Variants in PLXNA4 observed in about 807,000 individuals in gnomAD.
PLXNA4 encodes the protein plexin-A4.
In PLXNA4, 44 loss-of-function variants were observed where a neutral mutation model predicts 191.8. That is an observed-to-expected ratio of 0.23 (90% CI 0.18 to 0.29). The LOEUF (loss-of-function observed/expected upper bound fraction) is 0.29, where lower values mean the gene tolerates loss of function less well. PLXNA4 is among the 10% of genes least tolerant of loss of function. The pLI, the probability that PLXNA4 is intolerant of heterozygous loss-of-function variation, is 1.00. For missense variants in PLXNA4, 1,800 were observed against 2,488.8 expected (o/e 0.72, Z 5.89); for synonymous variants, 1,082 against 1,009.5 (o/e 1.07, Z -1.36).
intron 31 of PLXNA4, among the ~76,000 whole-genome samples, chr7:132,132,147 C>A (rs185020733): frequency 6.6e-6 from 1 of 152,236 alleles, no homozygotes; most frequent in African/African-American, 2.4e-5. Flanking sequence ...AGGCCTCCTC[C>A]TACCCAGCAG....
At chr7:132,643,844 G>A (rs982376802) in intron 2 of PLXNA4, among the ~76,000 whole-genome samples, 2 of 151,932 alleles carry the variant, frequency 1.3e-5, no homozygotes, top group Non-Finnish European at 2.9e-5. Flanking sequence ...TCCTGATACT[G>A]GGGAGGCTGA....
At chr7:132,439,496 A>ATACATTG (rs1795606100) in intron 3 of PLXNA4, among the ~76,000 whole-genome samples, 1 of 151,864 alleles carries the variant, frequency 6.6e-6, no homozygotes, top group Non-Finnish European at 1.5e-5. Context: ...ATGCATATAT[A>ATACATTG]TACATACGCA....
In PLXNA4 at chr7:132,217,897, CTTTTTTTTTTTTTTTTT is replaced by C. The variant is rs138576612; in HGVS notation, c.2097+5613_2097+5629del. ...GGAGCGTGTTCTGTAGCTGGATTTGCTTTTTTTTTTTTTTTTTTTTTTTTTTTTTTCACAGCAGGGTG... is the reference window on the plus strand; with the variant it reads ...GGAGCGTGTTCTGTAGCTGGATTTGCTTTTTTTTTTTTTCACAGCAGGGTG... On this transcript the variant is annotated intron_variant, in intron 9 of 31. Coordinates refer to ENST00000321063, the MANE Select transcript of PLXNA4 (RefSeq NM_020911.2). Among the ~76,000 whole-genome samples, 78 of 43,442 alleles carry C rather than the reference CTTTTTTTTTTTTTTTTT, an allele frequency of 1.8e-3. 2 individuals are homozygous for C. The highest frequency in any genetic ancestry group is 8.4e-3 in the African/African-American group (68 of 8,098). 28.5% of individuals were successfully genotyped at this position (43,442 alleles called of 152,430 possible). A position where few individuals can be genotyped will look rare whatever the true frequency, so the allele number is the denominator to read the frequency against.
At chr7:132,500,675 A>G (rs907346766) in intron 2 of PLXNA4, among the ~76,000 whole-genome samples, 12 of 152,166 alleles carry the variant, frequency 7.9e-5, no homozygotes, top group Non-Finnish European at 1.3e-4. Flanking sequence ...GGTGGTTATT[A>G]TAACTAAAGG....
At chr7:132,429,351 G>A (rs989758884) in intron 3 of PLXNA4, among the ~76,000 whole-genome samples, 4 of 152,152 alleles carry the variant, frequency 2.6e-5, no homozygotes, top group Admixed American at 2.6e-4. Flanking sequence ...GGTATAGGAA[G>A]AACTTTGCCC....
rs569799657 is a variant in PLXNA4 at position 132,203,758 on chromosome 7, A to T, written c.2299-339T>A. ...AGGAGGCCTGCTCCCATCCCCTGGA[A>T]TTTCCTGAGAGGTAAAACCGAGGGA... On this transcript the variant is annotated intron_variant, in intron 10 of 31. Coordinates refer to ENST00000321063, the MANE Select transcript of PLXNA4 (RefSeq NM_020911.2). 3.3e-5 allele frequency among the ~76,000 whole-genome samples: 5 copies of T among 152,310 alleles called. No individual in the cohort carries two copies. The East Asian group carries it at 9.7e-4, about 30-fold the overall frequency.
chr7:132,202,365 G>A (rs556785518), intron 12 of PLXNA4, among the ~76,000 whole-genome samples: 2 of 152,294 alleles, frequency 1.3e-5, no homozygotes, highest in South Asian at 2.1e-4. Context: ...AGGGGCTGGC[G>A]AGGACTGAGT....
At chr7:132,466,809 C>A (rs1796724471) in intron 3 of PLXNA4, among the ~76,000 whole-genome samples, 1 of 152,150 alleles carries the variant, frequency 6.6e-6, no homozygotes, top group African/African-American at 2.4e-5. Context: ...CCCCTGTGTT[C>A]TTTTAGCAGA....
At chr7:132,487,564 G>T (rs2117517258) in intron 3 of PLXNA4, among the ~76,000 whole-genome samples, 1 of 152,326 alleles carries the variant, frequency 6.6e-6, no homozygotes, top group Non-Finnish European at 1.5e-5. Flanking sequence ...TCTCTCCTCA[G>T]TGTGGACTGA....
At chr7:132,453,868 C>T (rs1281433539) in intron 3 of PLXNA4, among the ~76,000 whole-genome samples, 1 of 152,218 alleles carries the variant, frequency 6.6e-6, no homozygotes, top group Non-Finnish European at 1.5e-5. Flanking sequence ...CCAAATTCCC[C>T]TTCAAGACCT....
intron 30 of PLXNA4, among the ~76,000 whole-genome samples, chr7:132,137,829 G>A (rs1168716859): frequency 3.3e-5 from 5 of 151,630 alleles, no homozygotes; most frequent in South Asian, 2.1e-4. Flanking sequence ...GAGGACAGGC[G>A]GGACGATGGG....
chr7:132,199,292 C>A lies in PLXNA4; in HGVS notation c.2587-656G>T, dbSNP rs938300072. 2.0e-5 allele frequency among the ~76,000 whole-genome samples: 3 copies of A among 152,202 alleles called. No individual in the cohort carries two copies. The South Asian group carries it at 6.2e-4, about 32-fold the overall frequency. ...TTGCGTTGTCATGTGATAAAACCTA[C>A]AACTGTCCAAACATCTTTCCGGAAT... On this transcript the variant is annotated intron_variant, in intron 12 of 31. Coordinates refer to ENST00000321063, the MANE Select transcript of PLXNA4 (RefSeq NM_020911.2).
At chr7:132,533,510 A>G (rs1469216339) in intron 1 of PLXNA4, among the ~76,000 whole-genome samples, 2 of 152,232 alleles carry the variant, frequency 1.3e-5, no homozygotes, top group Non-Finnish European at 2.9e-5. Flanking sequence ...AAGGATTCCC[A>G]TCCACATCAG....
chr7:132,479,605 G>A (rs1335973514), intron 3 of PLXNA4, among the ~76,000 whole-genome samples: 1 of 152,206 alleles, frequency 6.6e-6, no homozygotes, highest in African/African-American at 2.4e-5. Context: ...TCCAGGAGTG[G>A]TTTTGGGGGG....
At chr7:132,371,617 G>C (rs1585047587) in intron 3 of PLXNA4, among the ~76,000 whole-genome samples, 1 of 152,314 alleles carries the variant, frequency 6.6e-6, no homozygotes, top group East Asian at 1.9e-4. Flanking sequence ...GCCTGGAAGG[G>C]AAGCAGCCAC....
At chr7:132,179,283 C>G (rs1419820275) in intron 20 of PLXNA4, among the ~76,000 whole-genome samples, 1 of 148,828 alleles carries the variant, frequency 6.7e-6, no homozygotes, top group Admixed American at 6.7e-5. Context: ...GGCCTGCTTG[C>G]TTGTAAATGG....
chr7:132,595,114 G>C (rs1017722362), intron 2 of PLXNA4, among the ~76,000 whole-genome samples: 3 of 152,018 alleles, frequency 2.0e-5, no homozygotes, highest in Non-Finnish European at 4.4e-5. Flanking sequence ...CTAGACTCTA[G>C]TCACCATCTC....
At chr7:132,155,261 C>T (rs911401838) in intron 25 of PLXNA4, among the ~76,000 whole-genome samples, 1 of 152,102 alleles carries the variant, frequency 6.6e-6, no homozygotes, top group Non-Finnish European at 1.5e-5. Context: ...GAGTTCTCTC[C>T]ACCTCCCTGC....
chr7:132,598,536 T>C (rs565380052), intron 2 of PLXNA4, among the ~76,000 whole-genome samples: 5 of 146,556 alleles, frequency 3.4e-5, no homozygotes, highest in African/African-American at 1.4e-4. Flanking sequence ...TTAAAGAGAT[T>C]TGGATTATTT....
Sources: gnomAD v4.1 joint callset for allele counts (sites outside exome capture counted in the v4.1 genomes callset) on GRCh38, gnomAD v4.1.1 for gene constraint, MANE v1.5 for transcripts, NCBI Gene and HGNC (gene_info 2026-07-23, HGNC 2026-07-21) for gene names.